Variants in RAD51B observed in about 807,000 individuals in gnomAD.
RAD51B encodes DNA repair protein RAD51 homolog 2.
In RAD51B, 38 loss-of-function variants were observed where a neutral mutation model predicts 42.2. That is an observed-to-expected ratio of 0.90 (90% CI 0.70 to 1.18). The LOEUF is 1.18. Ranked by LOEUF, RAD51B falls within the 50% of genes most tolerant of loss-of-function variation. RAD51B has a pLI of 0.00. For synonymous variants in RAD51B, 154 were observed against 145.2 expected (o/e 1.06, Z -0.43); for missense variants, 373 against 400.7 (o/e 0.93, Z 0.59).
At chr14:68,563,007 G>A (rs897415634) in intron 10 of RAD51B, 21 of 985,338 alleles carry the variant, frequency 2.1e-5, no homozygotes, top group Non-Finnish European at 2.0e-5. Context: ...CAGAGTTCAC[G>A]GCTGGGCATG....
chr14:68,285,669 C>A (rs1220836410), intron 7 of RAD51B, among the ~76,000 whole-genome samples: 7 of 152,214 alleles, frequency 4.6e-5, no homozygotes, highest in African/African-American at 1.7e-4. Flanking sequence ...TGGCAGGTTT[C>A]TGCCAGGGAG....
chr14:68,598,649 A>G (rs4902606), downstream of RAD51B, among the ~76,000 whole-genome samples: 51,557 of 151,838 alleles, frequency 0.34, 9,203 homozygotes, highest in Non-Finnish European at 0.39. Flanking sequence ...TGAAATTCCA[A>G]ACAAGCCAGA....
chr14:68,502,446 C>T (rs739872), intron 10 of RAD51B, among the ~76,000 whole-genome samples: 3 of 152,142 alleles, frequency 2.0e-5, no homozygotes, highest in Non-Finnish European at 4.4e-5. Context: ...CTTTGCAGGG[C>T]CCTGTGGGAA....
intron 7 of RAD51B, among the ~76,000 whole-genome samples, chr14:67,993,771 T>G (rs2140297153): frequency 6.6e-6 from 1 of 152,292 alleles, no homozygotes; most frequent in South Asian, 2.1e-4. Flanking sequence ...CCCTCCAAAC[T>G]GTTCTCCATA....
At chr14:67,976,143 G>T (rs1479904603) in intron 7 of RAD51B, among the ~76,000 whole-genome samples, 1 of 151,558 alleles carries the variant, frequency 6.6e-6, no homozygotes, top group Admixed American at 6.6e-5. Flanking sequence ...TTGAGACAAG[G>T]TCTCACTCTG....
rs555163753 is a variant in RAD51B at position 68,273,550 on chromosome 14, A to G, written c.757-18334A>G. On this transcript the variant is annotated intron_variant, in intron 7 of 10. Transcript: ENST00000471583. ...GATGTGAGGGGAGTTAAGTGATTCA[A>G]ATGCTTATATTATCAGGCCCCGTTA... Among the ~76,000 whole-genome samples, 55 of 152,264 alleles carry G rather than the reference A, an allele frequency of 3.6e-4. No individual in the cohort carries two copies. In the South Asian group the frequency reaches 0.011, roughly 32 times the overall value.
chr14:67,996,724 G>A lies in RAD51B; in HGVS notation c.756+109520G>A, dbSNP rs550134498. ...GGCACTGAATGGATGGATGCATTGGGCAGAGAAGAGACACCTAATTTATAT... is the reference window on the plus strand; with the variant it reads ...GGCACTGAATGGATGGATGCATTGGACAGAGAAGAGACACCTAATTTATAT... On this transcript the variant is annotated intron_variant, in intron 7 of 10. Coordinates refer to ENST00000471583, the MANE Select transcript of RAD51B (RefSeq NM_133510.4). 6.6e-5 allele frequency among the ~76,000 whole-genome samples: 10 copies of A among 152,288 alleles called. No individual in the cohort carries two copies. In the South Asian group the frequency reaches 2.1e-3, roughly 32 times the overall value.
chr14:68,605,040 A>T (rs1001278052), intron 10 of RAD51B, among the ~76,000 whole-genome samples: 9 of 152,172 alleles, frequency 5.9e-5, no homozygotes, highest in Non-Finnish European at 8.8e-5. Context: ...GCGGTGCTGC[A>T]GCCTCCCTCG....
At chr14:68,514,446 C>T (rs768234285) in intron 10 of RAD51B, among the ~76,000 whole-genome samples, 6 of 152,162 alleles carry the variant, frequency 3.9e-5, no homozygotes, top group Non-Finnish European at 8.8e-5. Context: ...AATCATTTGA[C>T]TCAAATCAGA....
chr14:68,307,136 G>T (rs928524472), intron 8 of RAD51B, among the ~76,000 whole-genome samples: 4 of 152,036 alleles, frequency 2.6e-5, no homozygotes, highest in Admixed American at 2.6e-4. Context: ...GGTGCACAGA[G>T]GGCGTTTATT....
At chr14:68,177,840 G>C (rs1423688722) in intron 7 of RAD51B, among the ~76,000 whole-genome samples, 4 of 152,098 alleles carry the variant, frequency 2.6e-5, no homozygotes, top group African/African-American at 9.7e-5. Context: ...GAGATGACCA[G>C]ATGACCAGGT....
At chr14:68,006,216 C>G (rs889552225) in intron 7 of RAD51B, among the ~76,000 whole-genome samples, 1 of 152,134 alleles carries the variant, frequency 6.6e-6, no homozygotes, top group African/African-American at 2.4e-5. Context: ...AGTTGTCTGC[C>G]TTTTTCTTAA....
chr14:67,819,933 T>C (rs549862764), intron 1 of RAD51B, 80 bp downstream of exon 1: 2 of 152,242 alleles, frequency 1.3e-5, no homozygotes, highest in South Asian at 4.1e-4. Flanking sequence ...CCTAGGCTCG[T>C]GGGTTTCGAT....
chr14:67,852,613 A>G (rs1370855403), intron 4 of RAD51B, among the ~76,000 whole-genome samples: 1 of 152,178 alleles, frequency 6.6e-6, no homozygotes, highest in Non-Finnish European at 1.5e-5. Context: ...GAAGTTACAT[A>G]CCATCATTTC....
At chr14:68,344,675 C>A (rs935049218) in intron 8 of RAD51B, among the ~76,000 whole-genome samples, 3 of 128,658 alleles carry the variant, frequency 2.3e-5, no homozygotes, top group African/African-American at 8.9e-5. Flanking sequence ...AGCCTGGGTG[C>A]GGTGGCTCAC....
rs147992442 is a variant in RAD51B, at chr14:68,531,576, T to G, written c.1037-62909T>G. Among the ~76,000 whole-genome samples, 1,216 of 152,206 alleles carry G rather than the reference T, an allele frequency of 8.0e-3. 15 individuals are homozygous for G. The highest frequency in any genetic ancestry group is 0.028 in the African/African-American group (1,180 of 41,552). ...GCCCCTAAAAACATAACCTTGAAAT[T>G]CAAAACATGTAAAGCAAAAACTAAG... is the stretch of plus-strand genomic sequence containing the variant. On this transcript the variant is annotated intron_variant, in intron 10 of 10. Coordinates refer to the RAD51B transcript ENST00000487270.
At chr14:67,960,749 G>A (rs73282473) in intron 7 of RAD51B, among the ~76,000 whole-genome samples, 2,129 of 152,172 alleles carry the variant, frequency 0.014, 57 homozygotes, top group African/African-American at 0.048. Flanking sequence ...GCTCACTGCA[G>A]CCTCAAATTA....
downstream of RAD51B, among the ~76,000 whole-genome samples, chr14:68,479,384 C>G: frequency 6.6e-6 from 1 of 152,170 alleles, no homozygotes; most frequent in Non-Finnish European, 1.5e-5. Context: ...GCCGTTGTCA[C>G]CTTCCCCTCA....
intron 5 of RAD51B, among the ~76,000 whole-genome samples, chr14:67,873,371 C>A (rs373702836): frequency 5.3e-5 from 8 of 152,076 alleles, no homozygotes; most frequent in South Asian, 4.2e-4. Context: ...AGAAATGCAA[C>A]TCAAAACCAC....
Sources: gnomAD v4.1 joint callset for allele counts (sites outside exome capture counted in the v4.1 genomes callset) on GRCh38, gnomAD v4.1.1 for gene constraint, MANE v1.5 for transcripts, NCBI Gene and HGNC (gene_info 2026-07-23, HGNC 2026-07-21) for gene names.